PCCA: variants seen among roughly 807,000 people sequenced by gnomAD.
The protein encoded by PCCA is propionyl-CoA carboxylase subunit alpha, also known as propionyl-CoA carboxylase alpha chain, mitochondrial.
Under a neutral mutation model 101.3 loss-of-function variants are expected in PCCA, and 74 were observed. The observed-to-expected ratio is 0.73, with a 90% CI of 0.61 to 0.89. PCCA has a LOEUF of 0.89. Ranked by LOEUF, PCCA falls within the 40% of genes least tolerant of loss-of-function variation. The probability of loss-of-function intolerance (pLI) is 0.00; values close to 1 mark genes in which losing one functional copy is unlikely to be tolerated. For missense variants in PCCA, 891 were observed against 907.0 expected, an observed-to-expected ratio of 0.98 and a Z score of 0.23; for synonymous variants, 294 against 313.6, an observed-to-expected ratio of 0.94 and a Z score of 0.66.
At chr13:100,190,253 A>G (rs759269514) in intron 6 of PCCA, among the ~76,000 whole-genome samples, 2 of 152,188 alleles carry the variant, frequency 1.3e-5, no homozygotes, top group Non-Finnish European at 2.9e-5. Context: ...TGTGTGTTCA[A>G]CTTCTAGTGT....
intron 21 of PCCA, among the ~76,000 whole-genome samples, chr13:100,464,206 A>G (rs187642777): frequency 1.2e-4 from 19 of 152,296 alleles, no homozygotes; most frequent in African/African-American, 4.3e-4. Flanking sequence ...CCACTGCCAG[A>G]TTGCTAGTGA....
intron 20 of PCCA, among the ~76,000 whole-genome samples, chr13:100,435,648 G>A (rs1453004054): frequency 1.3e-5 from 2 of 152,212 alleles, no homozygotes; most frequent in Non-Finnish European, 2.9e-5. Flanking sequence ...ATGATTGCAA[G>A]TTATCCAGGT....
chr13:100,319,047 T>C (rs1448938955), intron 16 of PCCA, among the ~76,000 whole-genome samples: 1 of 152,238 alleles, frequency 6.6e-6, no homozygotes, highest in Non-Finnish European at 1.5e-5. Flanking sequence ...TGAGATGGTA[T>C]CTCATTGTGG....
At chr13:100,448,804 A>G (rs148498367) in intron 20 of PCCA, among the ~76,000 whole-genome samples, 3 of 152,352 alleles carry the variant, frequency 2.0e-5, no homozygotes, top group African/African-American at 7.2e-5. Context: ...TATAATTCAC[A>G]CACCATACAA....
chr13:100,229,528 G>A (rs1286900382), intron 7 of PCCA, among the ~76,000 whole-genome samples: 1 of 152,216 alleles, frequency 6.6e-6, no homozygotes, highest in Admixed American at 6.5e-5. Context: ...CAAGCATTAA[G>A]TCATAGCCTG....
At chr13:100,361,072 T>C (rs1400941357) in intron 18 of PCCA, among the ~76,000 whole-genome samples, 1 of 152,106 alleles carries the variant, frequency 6.6e-6, no homozygotes, top group East Asian at 1.9e-4. Flanking sequence ...ATTCCAGCGC[T>C]AAGTGACATT....
chr13:100,264,017 TATCTGTATATCGTATATATACG>T (rs2062734998), intron 10 of PCCA, among the ~76,000 whole-genome samples: 1 of 149,622 alleles, frequency 6.7e-6, no homozygotes, highest in Non-Finnish European at 1.5e-5. Context: ...ATATATACGG[TATCTGTATATCGTATATATACG>T]GTATCTGTAT....
intron 8 of PCCA, among the ~76,000 whole-genome samples, chr13:100,244,381 T>C (rs529574625): frequency 1.3e-5 from 2 of 152,328 alleles, no homozygotes; most frequent in South Asian, 4.1e-4. Flanking sequence ...TATTCCAACA[T>C]GCACATTTGG....
intron 21 of PCCA, among the ~76,000 whole-genome samples, chr13:100,514,549 C>G (rs907120346): frequency 6.6e-6 from 1 of 152,152 alleles, no homozygotes; most frequent in Non-Finnish European, 1.5e-5. Context: ...GACACTTCCT[C>G]AAACCATTTT....
At chr13:100,283,989 G>A (rs991430961) in intron 12 of PCCA, among the ~76,000 whole-genome samples, 14 of 152,268 alleles carry the variant, frequency 9.2e-5, no homozygotes, top group Non-Finnish European at 1.5e-4. Flanking sequence ...GAGGGTGCCC[G>A]GGGCAAGCGC....
chr13:100,414,893 G>T (rs1197568717), intron 19 of PCCA, among the ~76,000 whole-genome samples: 2 of 152,144 alleles, frequency 1.3e-5, no homozygotes. Context: ...AATATGCAGT[G>T]AGCATCTACT....
chr13:100,194,596 T>G (rs1387894365), intron 6 of PCCA, among the ~76,000 whole-genome samples: 3 of 152,242 alleles, frequency 2.0e-5, no homozygotes, highest in African/African-American at 7.2e-5. Flanking sequence ...TTTTTTTGTA[T>G]TTTTATTAGA....
At chr13:100,118,666 AGTTT>A (rs2049065101) in intron 4 of PCCA, among the ~76,000 whole-genome samples, 1 of 151,906 alleles carries the variant, frequency 6.6e-6, no homozygotes, top group Non-Finnish European at 1.5e-5. Context: ...CTCCCACCTT[AGTTT>A]CCCAAGTAGT....
At chr13:100,257,931 A>G (rs1258203443) in intron 9 of PCCA, among the ~76,000 whole-genome samples, 1 of 152,098 alleles carries the variant, frequency 6.6e-6, no homozygotes. Flanking sequence ...TTTACCGTAT[A>G]TTTTTAAAAA....
chr13:100,287,693 T>A (rs151046943), intron 12 of PCCA, among the ~76,000 whole-genome samples: 36 of 152,294 alleles, frequency 2.4e-4, no homozygotes, highest in African/African-American at 8.7e-4. Context: ...TCTGTAGGCA[T>A]GGCTCTCCTG....
intron 18 of PCCA, among the ~76,000 whole-genome samples, chr13:100,349,009 C>T (rs1595507550): frequency 6.6e-6 from 1 of 151,644 alleles, no homozygotes; most frequent in African/African-American, 2.4e-5. Context: ...GTGGTGTGAT[C>T]TTGGCTCACT....
intron 21 of PCCA, among the ~76,000 whole-genome samples, chr13:100,500,971 G>A (rs557832005): frequency 7.9e-5 from 12 of 152,210 alleles, no homozygotes; most frequent in East Asian, 7.7e-4. Flanking sequence ...GTGAAACCCC[G>A]TTTCTACTAA....
At chr13:100,436,557 A>G (rs2079951718) in intron 20 of PCCA, among the ~76,000 whole-genome samples, 1 of 152,184 alleles carries the variant, frequency 6.6e-6, no homozygotes, top group East Asian at 1.9e-4. Flanking sequence ...TTTCCTTTCA[A>G]TTTAGTTCTA....
chr13:100,276,985 A>G (rs1278047411), intron 12 of PCCA, among the ~76,000 whole-genome samples: 3 of 152,140 alleles, frequency 2.0e-5, no homozygotes, highest in Non-Finnish European at 4.4e-5. Flanking sequence ...AAAAATTGTT[A>G]TTAATCAAAA....
Sources: gnomAD v4.1 joint callset for allele counts (sites outside exome capture counted in the v4.1 genomes callset) on GRCh38, gnomAD v4.1.1 for gene constraint, MANE v1.5 for transcripts, NCBI Gene and HGNC (gene_info 2026-07-23, HGNC 2026-07-21) for gene names.